STRN: variants seen among roughly 807,000 people sequenced by gnomAD.
The protein encoded by STRN is protein phosphatase 2 regulatory subunit B'''alpha.
In STRN, 53 loss-of-function variants were observed where a neutral mutation model predicts 96.3. The observed-to-expected ratio is 0.55, with a 90% CI of 0.44 to 0.69. The LOEUF (loss-of-function observed/expected upper bound fraction) is 0.69. STRN is among the 30% of genes least tolerant of loss of function. The pLI is 0.00. For synonymous variants in STRN, 428 were observed against 355.9 expected, an observed-to-expected ratio of 1.20 and a Z score of -2.28; for missense variants, 987 against 963.9, an observed-to-expected ratio of 1.02 and a Z score of -0.32.
chr2:36,919,189 C>T (rs1670183861), intron 2 of STRN, among the ~76,000 whole-genome samples: 2 of 152,062 alleles, frequency 1.3e-5, no homozygotes, highest in Admixed American at 1.3e-4. Flanking sequence ...GCTGGGACAA[C>T]CTACAGCTTG....
In STRN at chr2:36,855,333, A is replaced by C. The variant is rs2148129922; in HGVS notation, c.1857T>G (p.Ser619=). The C allele has an allele frequency of 6.2e-7, 1 of 1,613,538 alleles. No individual in the cohort carries two copies. Among genetic ancestry groups the C allele is most frequent in the South Asian group, 1.1e-5 (1 of 90,970 alleles). ...TCGGGTCACTGCTCACTAGATCCAC[A>C]GAGGCAGGGATTCCCAGTTCTGAAA... is the stretch of plus-strand genomic sequence containing the variant. ...NDTKELGIPA[S]VDLVSSDPSH... Residue 619 remains serine (S), a synonymous_variant, in exon 15 of 18, where the codon TCT becomes TCG. Transcript: ENST00000263918.
chr2:36,901,407 C>T (rs1223350022), intron 5 of STRN, among the ~76,000 whole-genome samples: 3 of 152,030 alleles, frequency 2.0e-5, no homozygotes, highest in African/African-American at 7.2e-5. Flanking sequence ...AAAAAATTAG[C>T]TGGGTGCGGT....
chr2:36,852,687 AT>A (rs1167890031), intron 15 of STRN, among the ~76,000 whole-genome samples: 1 of 152,186 alleles, frequency 6.6e-6, no homozygotes, highest in Non-Finnish European at 1.5e-5. Flanking sequence ...AGTTTAAAAA[AT>A]TTTTTGAACC....
chr2:36,950,988 T>C (rs889189503), intron 1 of STRN, among the ~76,000 whole-genome samples: 1 of 152,140 alleles, frequency 6.6e-6, no homozygotes, highest in Admixed American at 6.5e-5. Context: ...ATTGGTAATG[T>C]AACATAAAAT....
chr2:36,877,629 G>A lies in STRN; in HGVS notation c.1323+262C>T, dbSNP rs1437045076. Among the ~76,000 whole-genome samples the A allele has an allele frequency of 3.9e-5, 6 of 152,042 alleles. No individual in the cohort carries two copies. In the East Asian group the frequency reaches 5.8e-4, roughly 15 times the overall value. On this transcript the variant is annotated intron_variant, in intron 10 of 17. Coordinates refer to ENST00000263918, the MANE Select transcript of STRN (RefSeq NM_003162.4). The stretch of plus-strand genomic sequence containing the variant: ...TGGCTCACTGCAACCTCTGCCTTCC[G>A]GGCTCAAGCAATTCTCCTGCCATAG...
At chr2:36,901,420 C>T (rs192523135) in intron 5 of STRN, among the ~76,000 whole-genome samples, 2 of 152,034 alleles carry the variant, frequency 1.3e-5, no homozygotes, top group African/African-American at 4.8e-5. Context: ...GGTGCGGTGG[C>T]ACGCGCCTGT....
intron 3 of STRN, among the ~76,000 whole-genome samples, chr2:36,912,370 T>A (rs1404852404): frequency 6.6e-6 from 1 of 152,172 alleles, no homozygotes; most frequent in Non-Finnish European, 1.5e-5. Flanking sequence ...ACCCACTTTA[T>A]TTCTGCCCTC....
At chr2:36,865,400 C>A (rs1668595590) in intron 12 of STRN, among the ~76,000 whole-genome samples, 1 of 151,866 alleles carries the variant, frequency 6.6e-6, no homozygotes, top group African/African-American at 2.4e-5. Context: ...GTCTACCTAT[C>A]TTATTCTTTC....
At chr2:36,966,172 C>A in intron 1 of STRN, 58 bp downstream of exon 1, 2 of 1,228,116 alleles carry the variant, frequency 1.6e-6, no homozygotes. Flanking sequence ...GGGTCCGGGG[C>A]GGGGCGGAAG....
chr2:36,956,752 A>G (rs892106204), intron 1 of STRN, among the ~76,000 whole-genome samples: 1 of 152,244 alleles, frequency 6.6e-6, no homozygotes, highest in African/African-American at 2.4e-5. Context: ...GATTTGAAAT[A>G]AAGTTCAGGA....
chr2:36,945,882 T>C (rs897971522), intron 1 of STRN, among the ~76,000 whole-genome samples: 1 of 152,196 alleles, frequency 6.6e-6, no homozygotes, highest in African/African-American at 2.4e-5. Context: ...ATTTTTAACA[T>C]GCCACATAGT....
At chr2:36,874,020 C>T (rs914838681) in intron 10 of STRN, among the ~76,000 whole-genome samples, 1 of 151,286 alleles carries the variant, frequency 6.6e-6, no homozygotes, top group African/African-American at 2.4e-5. Flanking sequence ...CTCTGGGAGG[C>T]TGAGGCGGGT....
chr2:36,953,480 G>C (rs528188246), intron 1 of STRN, among the ~76,000 whole-genome samples: 6 of 146,098 alleles, frequency 4.1e-5, no homozygotes, highest in Non-Finnish European at 8.9e-5. Flanking sequence ...TCAGCTCACT[G>C]CAAGCTCCGC....
At chr2:36,916,880 C>CT (rs1660423729) in intron 2 of STRN, among the ~76,000 whole-genome samples, 1 of 151,562 alleles carries the variant, frequency 6.6e-6, no homozygotes, top group African/African-American at 2.4e-5. Context: ...AAAAATAACC[C>CT]AGATAATGTA....
chr2:36,905,854 AT>A, intron 3 of STRN, among the ~76,000 whole-genome samples: 1 of 152,172 alleles, frequency 6.6e-6, no homozygotes, highest in African/African-American at 2.4e-5. Flanking sequence ...AAATAAATAC[AT>A]TTTCCCTGTC....
At chr2:36,913,725 G>T (rs1165769902) in intron 3 of STRN, among the ~76,000 whole-genome samples, 1 of 152,124 alleles carries the variant, frequency 6.6e-6, no homozygotes, top group African/African-American at 2.4e-5. Context: ...ATGGATGGTT[G>T]GAAAGATACA....
Position 36,847,270 on chromosome 2 carries a change from A to G in STRN, c.*2186T>C, listed in dbSNP as rs1303842442. 6.6e-6 allele frequency: 1 copy of G among 152,176 alleles called. No homozygotes were observed. The highest frequency in any genetic ancestry group is 2.4e-5 in the African/African-American group (1 of 41,458). The allele number at this position is 152,176 out of a possible 1,614,324, so 9.4% of individuals were successfully genotyped here. A position where few individuals can be genotyped will look rare whatever the true frequency, so the allele number is the denominator to read the frequency against. On this transcript the variant is annotated 3_prime_UTR_variant, in exon 18 of 18. Transcript: ENST00000263918. ...ACGGGGGAAGAATGTCCTGGTTTTT[A>G]GAATTTCAGTGACATTAATAAAGCA...
At chr2:36,944,188 A>T (rs781719067) in intron 1 of STRN, among the ~76,000 whole-genome samples, 120 of 152,324 alleles carry the variant, frequency 7.9e-4, no homozygotes, top group Non-Finnish European at 1.5e-3. Context: ...TTGAAAATAC[A>T]GATGTTAGAG....
chr2:36,965,973 TAA>T (rs1665148079), intron 1 of STRN, among the ~76,000 whole-genome samples: 1 of 151,334 alleles, frequency 6.6e-6, no homozygotes, highest in South Asian at 2.1e-4. Context: ...GTCTGGGAGT[TAA>T]GAGTGGGATG....
Sources: allele counts gnomAD v4.1 joint callset (sites outside exome capture counted in the v4.1 genomes callset), GRCh38; gene constraint gnomAD v4.1.1; transcripts MANE v1.5; gene names NCBI Gene and HGNC (gene_info 2026-07-23, HGNC 2026-07-21).